Variants in PHIP observed in about 807,000 individuals in gnomAD.
The protein encoded by PHIP is PHIP subunit of CUL4-Ring ligase complex, also known as PH-interacting protein.
PHIP carries 54 observed loss-of-function variants against 236.8 expected under a neutral mutation model. That is an observed-to-expected ratio of 0.23 (90% confidence interval 0.18 to 0.29). The LOEUF (loss-of-function observed/expected upper bound fraction) is 0.29, where lower values mean the gene tolerates loss of function less well. Ranked by LOEUF, PHIP falls within the 10% of genes least tolerant of loss-of-function variation. The probability of loss-of-function intolerance (pLI) is 1.00; values close to 1 mark genes in which losing one functional copy is unlikely to be tolerated. For missense variants in PHIP, 1,370 were observed against 2,190.8 expected (o/e 0.63, Z 7.48); for synonymous variants, 756 against 718.9 (o/e 1.05, Z -0.83).
intron 6 of PHIP, among the ~76,000 whole-genome samples, chr6:79,046,438 T>C (rs1772490274): frequency 6.6e-6 from 1 of 152,202 alleles, no homozygotes; most frequent in Non-Finnish European, 1.5e-5. Flanking sequence ...CCTATTTAAT[T>C]ATTTATTATA....
At chr6:78,992,054 C>T (rs543292907) in intron 19 of PHIP, among the ~76,000 whole-genome samples, 57 of 151,214 alleles carry the variant, frequency 3.8e-4, no homozygotes, top group Admixed American at 2.6e-3. Flanking sequence ...CTCTGCCCCC[C>T]GGGGTTCACA....
At chr6:79,022,524 C>T (rs1771169998) in intron 9 of PHIP, among the ~76,000 whole-genome samples, 1 of 152,146 alleles carries the variant, frequency 6.6e-6, no homozygotes, top group African/African-American at 2.4e-5. Flanking sequence ...ATAACTGTAC[C>T]TTTCTCAAAG....
intron 15 of PHIP, among the ~76,000 whole-genome samples, chr6:79,009,036 T>C (rs1179263521): frequency 6.6e-6 from 1 of 152,128 alleles, no homozygotes; most frequent in East Asian, 1.9e-4. Context: ...CCCTATAATA[T>C]TTCATGACTA....
Position 78,948,277 on chromosome 6 carries a change from C to T in PHIP, c.4054-502G>A, listed in dbSNP as rs554384348. ...TACTAAAATTGGGAGTTTTGCTTTG[C>T]AGTAATAAAGAATTACGAATGTAAA... On this transcript the variant is annotated intron_variant, in intron 35 of 39. Transcript: ENST00000275034. Among the ~76,000 whole-genome samples, 7 of 152,134 alleles carry T rather than the reference C, an allele frequency of 4.6e-5. No homozygotes were observed. In the South Asian group the frequency reaches 1.5e-3, roughly 32 times the overall value.
chr6:79,000,305 C>A (rs1582199624), intron 17 of PHIP, among the ~76,000 whole-genome samples: 1 of 151,906 alleles, frequency 6.6e-6, no homozygotes, highest in African/African-American at 2.4e-5. Context: ...TGGATACCAA[C>A]AACTGGTATC....
At chr6:79,046,395 A>G (rs886963290) in intron 6 of PHIP, among the ~76,000 whole-genome samples, 1 of 152,124 alleles carries the variant, frequency 6.6e-6, no homozygotes. Context: ...ATTCAGCTTT[A>G]TATTTGCTCT....
chr6:79,077,690 C>A lies in PHIP; in HGVS notation c.129+10G>T. ...GGCGGCGGGACGCGCCGGGCCGCCG[C>A]CGCCCTTACCTCCTTCTCGGCCACC... On this transcript the variant is annotated intron_variant, in intron 3 of 39. Coordinates refer to ENST00000275034, the MANE Select transcript of PHIP (RefSeq NM_017934.7). The A allele has an allele frequency of 1.0e-6, 1 of 998,690 alleles. No homozygotes were observed. The highest frequency in any genetic ancestry group is 4.1e-5 in the South Asian group (1 of 24,664). 61.9% of individuals were successfully genotyped at this position (998,690 alleles called of 1,614,324 possible).
At chr6:78,953,410 A>G (rs1448048990) in intron 35 of PHIP, among the ~76,000 whole-genome samples, 2 of 152,198 alleles carry the variant, frequency 1.3e-5, no homozygotes, top group Non-Finnish European at 2.9e-5. Flanking sequence ...AAAGCCCAGA[A>G]TACAAACGCT....
chr6:79,039,319 C>T (rs183141914), intron 7 of PHIP, among the ~76,000 whole-genome samples: 243 of 152,236 alleles, frequency 1.6e-3, no homozygotes, highest in African/African-American at 5.5e-3. Context: ...TTGCATGTTA[C>T]ATTCTCCCAA....
chr6:79,065,540 C>T (rs1773580281), intron 4 of PHIP, among the ~76,000 whole-genome samples: 1 of 152,148 alleles, frequency 6.6e-6, no homozygotes, highest in South Asian at 2.1e-4. Context: ...CCAGACAACT[C>T]TTCCATGTGT....
chr6:79,031,742 TC>T (rs1408571705), intron 7 of PHIP, among the ~76,000 whole-genome samples: 2 of 152,232 alleles, frequency 1.3e-5, no homozygotes, highest in Non-Finnish European at 2.9e-5. Context: ...CACTGTTATT[TC>T]TTCTAGTACT....
At chr6:78,966,651 T>G (rs143134452) in intron 27 of PHIP, among the ~76,000 whole-genome samples, 208 of 152,338 alleles carry the variant, frequency 1.4e-3, no homozygotes, top group African/African-American at 4.9e-3. Flanking sequence ...GTCTATTTCC[T>G]TATCCAATTG....
intron 6 of PHIP, among the ~76,000 whole-genome samples, chr6:79,045,299 A>G (rs1279684558): frequency 1.3e-5 from 2 of 152,190 alleles, no homozygotes; most frequent in African/African-American, 4.8e-5. Context: ...AGTATAGTTC[A>G]GTAGTTGTAC....
At chr6:79,046,624 C>T (rs1772498894) in intron 6 of PHIP, among the ~76,000 whole-genome samples, 1 of 152,034 alleles carries the variant, frequency 6.6e-6, no homozygotes, top group Non-Finnish European at 1.5e-5. Context: ...CACCTGTAAT[C>T]CCAGCACTTT....
chr6:79,064,062 T>G (rs1323355540), intron 4 of PHIP, among the ~76,000 whole-genome samples: 4 of 152,092 alleles, frequency 2.6e-5, no homozygotes, highest in African/African-American at 9.7e-5. Context: ...TTCTTCCCTA[T>G]CAAATCTGTA....
intron 27 of PHIP, among the ~76,000 whole-genome samples, chr6:78,967,581 C>T (rs759786741): frequency 2.0e-5 from 3 of 152,054 alleles, no homozygotes; most frequent in Non-Finnish European, 2.9e-5. Flanking sequence ...AAATGGCAGT[C>T]GGTGGGTGAA....
At chr6:79,052,249 A>C (rs967769386) in intron 6 of PHIP, among the ~76,000 whole-genome samples, 1 of 152,218 alleles carries the variant, frequency 6.6e-6, no homozygotes, top group African/African-American at 2.4e-5. Context: ...CTGAAAAATG[A>C]ACAGCCACAG....
At chr6:79,049,713 G>A (rs145900901) in intron 6 of PHIP, among the ~76,000 whole-genome samples, 3 of 152,052 alleles carry the variant, frequency 2.0e-5, no homozygotes, top group Non-Finnish European at 2.9e-5. Context: ...TCCAATTTTA[G>A]ATGATAATTA....
intron 19 of PHIP, among the ~76,000 whole-genome samples, chr6:78,995,896 A>G (rs569914222): frequency 1.3e-5 from 2 of 152,360 alleles, no homozygotes; most frequent in Non-Finnish European, 2.9e-5. Context: ...TAGGATGAGT[A>G]CAAAGTTTTA....
Sources: gnomAD v4.1 joint callset for allele counts (sites outside exome capture counted in the v4.1 genomes callset) on GRCh38, gnomAD v4.1.1 for gene constraint, MANE v1.5 for transcripts, NCBI Gene and HGNC (gene_info 2026-07-23, HGNC 2026-07-21) for gene names.